DPPA4: variants seen among roughly 807,000 people sequenced by gnomAD.
The protein encoded by DPPA4 is developmental pluripotency-associated protein 4.
In DPPA4, 22 loss-of-function variants were observed where a neutral mutation model predicts 33.7. That is an observed-to-expected ratio of 0.65 (90% confidence interval 0.47 to 0.93). The LOEUF (loss-of-function observed/expected upper bound fraction) is 0.93, where lower values mean the gene tolerates loss of function less well. DPPA4 is among the 40% of genes least tolerant of loss of function. DPPA4 has a pLI of 0.00. For missense variants in DPPA4, 340 were observed against 358.6 expected (o/e 0.95, Z 0.42); for synonymous variants, 156 against 132.3 (o/e 1.18, Z -1.23).
At position 109,333,930 on chromosome 3, in the gene DPPA4, C is replaced by A; in HGVS notation, c.118G>T (p.Ala40Ser). Residue 40 changes from alanine to serine, a missense_variant, in exon 2 of 7, where the codon GCT (alanine) becomes TCT (serine). Physicochemically the swap from Ala to Ser is moderately conservative, Grantham distance 99. Coordinates refer to ENST00000335658, the MANE Select transcript of DPPA4 (RefSeq NM_018189.4). ...QQASNQPNSIALPGTSAKRTK... is the reference protein window; with the variant it reads ...QQASNQPNSISLPGTSAKRTK... ...CTCTTTGCTGATGTTCCTGGCAAAG[C>A]AATTGAATTTGGTTGATTAGAAGCC... 6.2e-7 allele frequency: 1 copy of A among 1,614,144 alleles called. No individual in the cohort carries two copies. The highest frequency in any genetic ancestry group is 8.5e-7 in the Non-Finnish European group (1 of 1,180,004).
chr3:109,328,964 G>C lies in DPPA4; in HGVS notation c.804C>G (p.Leu268=). The change falls in exon 6 of 7, where the codon CTC becomes CTG. Residue 268 remains leucine (L), a synonymous_variant. Transcript: ENST00000335658. Reference sequence around the variant, plus strand: ...GAAAATTGGAGGCAGGAAGCAAGAAGAGTGCACTCACTCTCCCTTCTTGCT... The same window carrying C: ...GAAAATTGGAGGCAGGAAGCAAGAACAGTGCACTCACTCTCCCTTCTTGCT... ...PEKQEGRVSA[L]FLLPASNFPP... 6.2e-7 allele frequency: 1 copy of C among 1,613,982 alleles called. No individual in the cohort carries two copies. The highest frequency in any genetic ancestry group is 8.5e-7 in the Non-Finnish European group (1 of 1,179,948).
rs1707973496 is a variant in DPPA4 at position 109,327,925 on chromosome 3, A to G, written c.*63T>C. The G allele has an allele frequency of 2.5e-6, 3 of 1,213,632 alleles. No homozygotes were observed. Among genetic ancestry groups the G allele is most frequent in the Admixed American group, 1.7e-5 (1 of 58,362 alleles). The allele number at this position is 1,213,632 out of a possible 1,614,324, so 75.2% of individuals were successfully genotyped here. On this transcript the variant is annotated 3_prime_UTR_variant, in exon 7 of 7. Transcript: ENST00000335658. The stretch of plus-strand genomic sequence containing the variant: ...AGAGTTCACCTGTCAGCAGCACCGC[A>G]GAATCCAACTCTCCAGCTTTTCTGC...
At position 109,327,828 on chromosome 3, in the gene DPPA4, A is replaced by G. The variant is rs1707970902; in HGVS notation, c.*160T>C. The G allele has an allele frequency of 9.1e-6, 5 of 549,110 alleles. No individual in the cohort carries two copies. 34.0% of individuals were successfully genotyped at this position (549,110 alleles called of 1,614,324 possible). The stretch of plus-strand genomic sequence containing the variant: ...TATCTCCACTCACAAAGCAACAGGC[A>G]CTGCTAGGGGTCTTAGGCTAACATC... On this transcript the variant is annotated 3_prime_UTR_variant, in exon 7 of 7. Coordinates refer to ENST00000335658, the MANE Select transcript of DPPA4 (RefSeq NM_018189.4).
Position 109,326,828 on chromosome 3 carries a change from C to T in DPPA4, c.*1160G>A, listed in dbSNP as rs1707945352. 1 of 152,076 alleles carries T rather than the reference C, an allele frequency of 6.6e-6. No individual in the cohort carries two copies. The highest frequency in any genetic ancestry group is 1.5e-5 in the Non-Finnish European group (1 of 67,994). 9.4% of individuals were successfully genotyped at this position (152,076 alleles called of 1,614,324 possible). A position where few individuals can be genotyped will look rare whatever the true frequency, so the allele number is the denominator to read the frequency against. ...ACCCATACCACCAACTAATAAAGAA[C>T]AAACGAGTCATACAAAAGAAAAATC... is the stretch of plus-strand genomic sequence containing the variant. On this transcript the variant is annotated 3_prime_UTR_variant, in exon 7 of 7. Transcript: ENST00000335658.
At chr3:109,335,334 C>T (rs866547648) in intron 1 of DPPA4, among the ~76,000 whole-genome samples, 2 of 152,066 alleles carry the variant, frequency 1.3e-5, no homozygotes, top group African/African-American at 4.8e-5. Context: ...TATGTCTCCC[C>T]CCACTGATCT....
chr3:109,337,715 T>C (rs1486676580), upstream of DPPA4: 12 of 607,270 alleles, frequency 2.0e-5, no homozygotes, highest in Non-Finnish European at 2.9e-5. Context: ...GAATTACTAA[T>C]ACTATTCCTG....
At chr3:109,330,856 ATTCT>A in intron 4 of DPPA4, 44 bp from the exon 5 acceptor site, 1 of 1,493,408 alleles carries the variant, frequency 6.7e-7, no homozygotes, top group South Asian at 1.3e-5. Context: ...ACAGATTAAA[ATTCT>A]AACAAAAATG....
Position 109,328,964 on chromosome 3 carries a change from G to A in DPPA4, c.804C>T (p.Leu268=). Residue 268 remains leucine (L), a synonymous_variant, in exon 6 of 7, where the codon CTC becomes CTT. Transcript: ENST00000335658. ...PEKQEGRVSA[L]FLLPASNFPP... ...GAAAATTGGAGGCAGGAAGCAAGAAGAGTGCACTCACTCTCCCTTCTTGCT... is the reference window on the plus strand; with the variant it reads ...GAAAATTGGAGGCAGGAAGCAAGAAAAGTGCACTCACTCTCCCTTCTTGCT... 3 of 1,613,982 alleles carry A rather than the reference G, an allele frequency of 1.9e-6. No individual in the cohort carries two copies. Among genetic ancestry groups the A allele is most frequent in the Non-Finnish European group, 2.5e-6 (3 of 1,179,948 alleles).
Position 109,326,242 on chromosome 3 carries a change from C to A in DPPA4, c.*1746G>T, listed in dbSNP as rs1707931677. 1.3e-5 allele frequency: 2 copies of A among 151,158 alleles called. No individual in the cohort carries two copies. Among genetic ancestry groups the A allele is most frequent in the Non-Finnish European group, 2.9e-5 (2 of 67,992 alleles). 9.4% of individuals were successfully genotyped at this position (151,158 alleles called of 1,614,324 possible). A position where few individuals can be genotyped will look rare whatever the true frequency, so the allele number is the denominator to read the frequency against. ...GTATCTACAAGCAGAATCGTAAAGC[C>A]AAGGACATTTCCAAATTAATAGAAA... On this transcript the variant is annotated 3_prime_UTR_variant, in exon 7 of 7. Coordinates refer to ENST00000335658, the MANE Select transcript of DPPA4 (RefSeq NM_018189.4).
chr3:109,338,666 G>A (rs1249627261), upstream of DPPA4, among the ~76,000 whole-genome samples: 2 of 152,130 alleles, frequency 1.3e-5, no homozygotes, highest in Non-Finnish European at 2.9e-5. Flanking sequence ...AGTAAACGGA[G>A]CCCAGGAATA....
At chr3:109,335,324 T>C (rs1200049943) in intron 1 of DPPA4, among the ~76,000 whole-genome samples, 3 of 152,066 alleles carry the variant, frequency 2.0e-5, no homozygotes, top group Non-Finnish European at 2.9e-5. Context: ...GAGGTCTCCC[T>C]ATGTCTCCCC....
Position 109,331,725 on chromosome 3 carries a change from A to G in DPPA4, c.390+9T>C. 1.2e-6 allele frequency: 2 copies of G among 1,613,832 alleles called. No individual in the cohort carries two copies. The highest frequency in any genetic ancestry group is 1.7e-6 in the Non-Finnish European group (2 of 1,179,804). On this transcript the variant is annotated intron_variant, in intron 4 of 6. Transcript: ENST00000335658. Reference sequence around the variant, plus strand: ...TAAGCATTGAAACGTCCATCCTTTAAAAAGTTACCTTTTGATTTGGGTAGG... The same window carrying G: ...TAAGCATTGAAACGTCCATCCTTTAGAAAGTTACCTTTTGATTTGGGTAGG...
At chr3:109,331,543 C>CAAAAAAAAAA (rs62827961) in intron 4 of DPPA4, among the ~76,000 whole-genome samples, 191 bp downstream of exon 4, 7 of 71,474 alleles carry the variant, frequency 9.8e-5, no homozygotes, top group African/African-American at 2.8e-4. Context: ...GACTCTGTCT[C>CAAAAAAAAAA]AAAAAAAAAA....
intron 4 of DPPA4, among the ~76,000 whole-genome samples, chr3:109,331,351 C>T (rs1177859162): frequency 6.9e-6 from 1 of 145,950 alleles, no homozygotes; most frequent in Non-Finnish European, 1.5e-5. Context: ...TGGCCAGGCA[C>T]AGTGGTTCAC....
intron 6 of DPPA4, among the ~76,000 whole-genome samples, 185 bp from the exon 7 acceptor site, chr3:109,328,209 T>G (rs1707978396): frequency 6.6e-6 from 1 of 152,144 alleles, no homozygotes; most frequent in African/African-American, 2.4e-5. Context: ...CTGTAATATA[T>G]TCCCTGACTT....
rs189161618 is a variant in DPPA4 at position 109,331,120 on chromosome 3, A to C, written c.391-308T>G. 2.8e-3 allele frequency among the ~76,000 whole-genome samples: 429 copies of C among 151,876 alleles called. 1 individual carries two copies. The highest frequency in any genetic ancestry group is 4.6e-3 in the Non-Finnish European group (312 of 67,958). ...TGGTGAAATCCCGTCTCTACTAAAA[A>C]TACAAAAATTATCCAGGCATGGTGG... On this transcript the variant is annotated intron_variant, in intron 4 of 6. Coordinates refer to ENST00000335658, the MANE Select transcript of DPPA4 (RefSeq NM_018189.4).
chr3:109,326,852 TCA>T lies in DPPA4; in HGVS notation c.*1134_*1135del, dbSNP rs1707946184. 1.3e-5 allele frequency: 2 copies of T among 151,966 alleles called. No homozygotes were observed. The highest frequency in any genetic ancestry group is 6.6e-5 in the Admixed American group (1 of 15,258). 9.4% of individuals were successfully genotyped at this position (151,966 alleles called of 1,614,324 possible). The stretch of plus-strand genomic sequence containing the variant: ...ACAAACGAGTCATACAAAAGAAAAA[TCA>T]CACTTTTTGGTTTACTCCTACTTGA... On this transcript the variant is annotated 3_prime_UTR_variant, in exon 7 of 7. Transcript: ENST00000335658.
Position 109,331,850 on chromosome 3 carries a change from G to A in DPPA4, c.339+21C>T, listed in dbSNP as rs150309278. ...TCCTACCCTTCCTCCCAGCAGCACCGTCCCCAGCCTGGGACCTCACCTGGC... is the reference window on the plus strand; with the variant it reads ...TCCTACCCTTCCTCCCAGCAGCACCATCCCCAGCCTGGGACCTCACCTGGC... On this transcript the variant is annotated intron_variant, in intron 3 of 6. Transcript: ENST00000335658. The A allele has an allele frequency of 9.8e-4, 1,586 of 1,613,460 alleles. 4 individuals are homozygous for A. Among genetic ancestry groups the A allele is most frequent in the Admixed American group, 2.4e-3 (141 of 59,978 alleles).
rs1436701868 is a variant in DPPA4, at chr3:109,334,010, C to G, written c.55-17G>C. On this transcript the variant is annotated splice_polypyrimidine_tract_variant and intron_variant, in intron 1 of 6. Coordinates refer to ENST00000335658, the MANE Select transcript of DPPA4 (RefSeq NM_018189.4). ...GGAGGTCCACTGGGGAACAGAGGAG[C>G]TGGTCAGTCATTCCTCTAGTGTCCA... The G allele has an allele frequency of 2.5e-6, 4 of 1,613,404 alleles. No individual in the cohort carries two copies. The Admixed American group carries it at 5.0e-5, about 20-fold the overall frequency.
Sources: gnomAD v4.1 joint callset for allele counts (sites outside exome capture counted in the v4.1 genomes callset) on GRCh38, gnomAD v4.1.1 for gene constraint, MANE v1.5 for transcripts, NCBI Gene and HGNC (gene_info 2026-07-23, HGNC 2026-07-21) for gene names.